Variants in CEACAM21 observed in about 807,000 individuals in gnomAD.
CEACAM21 encodes the protein cell adhesion molecule CEACAM21.
A neutral mutation model predicts 33.2 loss-of-function variants in CEACAM21; 38 were observed. The ratio of observed to expected loss-of-function variants is 1.14; its 90% CI spans 0.88 to 1.50. The LOEUF (loss-of-function observed/expected upper bound fraction) is 1.50, where lower values mean the gene tolerates loss of function less well. Among genes scored for constraint, CEACAM21 ranks in the 40% most tolerant of loss-of-function variants. The pLI is 0.00. For missense variants in CEACAM21, 385 were observed against 364.6 expected, an observed-to-expected ratio of 1.06 and a Z score of -0.46; for synonymous variants, 156 against 143.0, an observed-to-expected ratio of 1.09 and a Z score of -0.65.
chr19:41,585,160 G>C (rs1428082090), intron 4 of CEACAM21, among the ~76,000 whole-genome samples: 1 of 152,212 alleles, frequency 6.6e-6, no homozygotes, highest in East Asian at 1.9e-4. Context: ...CTGGTGGTCT[G>C]ATTCCTTCCC....
chr19:41,567,635 G>A (rs1461837050), intron 2 of CEACAM21, among the ~76,000 whole-genome samples: 2 of 152,084 alleles, frequency 1.3e-5, no homozygotes, highest in East Asian at 3.8e-4. Flanking sequence ...ACTAATTTTA[G>A]GGTCACCTAT....
chr19:41,575,838 C>T (rs2042901891), upstream of CEACAM21, among the ~76,000 whole-genome samples: 1 of 152,200 alleles, frequency 6.6e-6, no homozygotes, highest in African/African-American at 2.4e-5. Flanking sequence ...CATCATTCTG[C>T]CTTCCTGGAG....
intron 3 of CEACAM21, among the ~76,000 whole-genome samples, chr19:41,584,106 G>A (rs894786562): frequency 6.6e-6 from 1 of 152,214 alleles, no homozygotes; most frequent in South Asian, 2.1e-4. Flanking sequence ...GGAGCAGGAT[G>A]AGGTGCAGGC....
In CEACAM21 at chr19:41,561,862, C is replaced by T. The variant is rs547873453; in HGVS notation, c.-778-2820C>T. ...ATTGGTCAGTCTACACACAAAGACC[C>T]TTGGGGATGTGTTTGAATTAGATAG... is the stretch of plus-strand genomic sequence containing the variant. On this transcript the variant is annotated intron_variant, in intron 1 of 7. Transcript: ENST00000407170. Among the ~76,000 whole-genome samples the T allele has an allele frequency of 2.4e-4, 37 of 152,282 alleles. No individual in the cohort carries two copies. In the South Asian group the frequency reaches 7.0e-3, roughly 29 times the overall value.
At chr19:41,581,696 G>A (rs2043400025) in intron 3 of CEACAM21, among the ~76,000 whole-genome samples, 1 of 152,156 alleles carries the variant, frequency 6.6e-6, no homozygotes, top group Non-Finnish European at 1.5e-5. Context: ...ATGTGTAGAG[G>A]AACTCCCCTT....
chr19:41,570,470 A>G (rs2042530882), intron 2 of CEACAM21, among the ~76,000 whole-genome samples: 1 of 152,132 alleles, frequency 6.6e-6, no homozygotes, highest in African/African-American at 2.4e-5. Context: ...TTTATGTGAA[A>G]GCAGTGCTAA....
chr19:41,563,554 G>A lies in CEACAM21; in HGVS notation c.-778-1128G>A, dbSNP rs561447311. 2.4e-3 allele frequency among the ~76,000 whole-genome samples: 371 copies of A among 152,360 alleles called. 1 individual carries two copies. Among genetic ancestry groups the A allele is most frequent in the African/African-American group, 8.6e-3 (359 of 41,582 alleles). ...AGACCCCTGCTCAGAGGCCAGAGCC[G>A]GCATGAGGCGGTCAGAGAGGATCCC... On this transcript the variant is annotated intron_variant, in intron 1 of 7. Transcript: ENST00000407170.
intron 1 of CEACAM21, chr19:41,555,521 A>C (rs2041478631): frequency 1.3e-5 from 2 of 151,852 alleles, no homozygotes; most frequent in African/African-American, 4.8e-5. Context: ...AGTTTATAGG[A>C]TCTAATTTTA....
intron 4 of CEACAM21, among the ~76,000 whole-genome samples, chr19:41,585,192 G>T (rs529383307): frequency 4.4e-4 from 67 of 152,152 alleles, no homozygotes; most frequent in African/African-American, 1.4e-3. Flanking sequence ...TCCCTTTCCT[G>T]TGTCACTGGA....
At chr19:41,579,674 C>A in intron 3 of CEACAM21, 46 bp downstream of exon 3, 1 of 1,344,194 alleles carries the variant, frequency 7.4e-7, no homozygotes, top group Non-Finnish European at 1.0e-6. Context: ...GTATATTTTC[C>A]TAGGAGGGAG....
At chr19:41,574,022 A>G (rs1480118038), upstream of CEACAM21, among the ~76,000 whole-genome samples, 1 of 152,236 alleles carries the variant, frequency 6.6e-6, no homozygotes, top group Non-Finnish European at 1.5e-5. Context: ...GAATAGAATC[A>G]AGAGTCCAGA....
At chr19:41,582,575 C>T (rs1448563755) in intron 3 of CEACAM21, among the ~76,000 whole-genome samples, 4 of 152,240 alleles carry the variant, frequency 2.6e-5, no homozygotes, top group African/African-American at 7.2e-5. Context: ...GAAATCTAGG[C>T]GAAGGTTCCC....
upstream of CEACAM21, among the ~76,000 whole-genome samples, chr19:41,571,347 A>G (rs2042601878): frequency 6.6e-6 from 1 of 152,210 alleles, no homozygotes. Context: ...ATGTTTAGAG[A>G]TGATGCCATT....
At chr19:41,574,029 C>G (rs1212730849), upstream of CEACAM21, among the ~76,000 whole-genome samples, 4 of 152,140 alleles carry the variant, frequency 2.6e-5, no homozygotes, top group Non-Finnish European at 5.9e-5. Flanking sequence ...ATCAAGAGTC[C>G]AGAAATAAAC....
At chr19:41,567,901 A>T (rs1248225093) in intron 2 of CEACAM21, among the ~76,000 whole-genome samples, 1 of 152,014 alleles carries the variant, frequency 6.6e-6, no homozygotes, top group Admixed American at 6.5e-5. Flanking sequence ...GCAGTAAAAA[A>T]AAAAAAAAAA....
intron 1 of CEACAM21, 120 bp from the exon 2 acceptor site, chr19:41,577,080 G>GACACAC: frequency 1.9e-6 from 2 of 1,033,000 alleles, no homozygotes; most frequent in Non-Finnish European, 2.8e-6. Flanking sequence ...GACCCAGTAG[G>GACACAC]ACACACACAC....
intron 2 of CEACAM21, among the ~76,000 whole-genome samples, chr19:41,570,800 G>A (rs1281019612): frequency 6.6e-6 from 1 of 152,096 alleles, no homozygotes; most frequent in African/African-American, 2.4e-5. Context: ...TAAGGGCAAG[G>A]GCGCCATCTA....
At chr19:41,563,626 A>G (rs531949196) in intron 1 of CEACAM21, among the ~76,000 whole-genome samples, 2 of 152,366 alleles carry the variant, frequency 1.3e-5, no homozygotes, top group East Asian at 3.9e-4. Context: ...TTCCGCGTGA[A>G]AGGCGGACTT....
intron 3 of CEACAM21, among the ~76,000 whole-genome samples, chr19:41,579,886 C>T (rs34054275): frequency 0.42 from 63,107 of 152,020 alleles, 17,087 homozygotes; most frequent in African/African-American, 0.77. Context: ...AACACCTGGA[C>T]CTCAGGGTGG....
Sources: allele counts gnomAD v4.1 joint callset (sites outside exome capture counted in the v4.1 genomes callset), GRCh38; gene constraint gnomAD v4.1.1; transcripts MANE v1.5; gene names NCBI Gene and HGNC (gene_info 2026-07-23, HGNC 2026-07-21).